Variants in MAST2 observed in about 807,000 individuals in gnomAD.
MAST2 encodes the protein microtubule-associated serine/threonine-protein kinase 2.
Under a neutral mutation model 147.4 loss-of-function variants are expected in MAST2, and 70 were observed. The ratio of observed to expected loss-of-function variants is 0.47; its 90% CI spans 0.39 to 0.58. The LOEUF is 0.58. Ranked by LOEUF, MAST2 falls within the 20% of genes least tolerant of loss-of-function variation. The pLI, the probability that MAST2 is intolerant of heterozygous loss-of-function variation, is 0.00. For synonymous variants in MAST2, 869 were observed against 896.8 expected (o/e 0.97, Z 0.55); for missense variants, 2,080 against 2,302.3 (o/e 0.90, Z 1.98).
chr1:45,989,410 C>T (rs1009203149), intron 5 of MAST2, among the ~76,000 whole-genome samples: 1 of 152,198 alleles, frequency 6.6e-6, no homozygotes, highest in Non-Finnish European at 1.5e-5. Flanking sequence ...TTTAGTCTAA[C>T]TGATTTCATT....
chr1:45,935,999 A>G (rs890611795), intron 4 of MAST2, among the ~76,000 whole-genome samples: 1 of 152,206 alleles, frequency 6.6e-6, no homozygotes, highest in Non-Finnish European at 1.5e-5. Flanking sequence ...TGGCCATTTT[A>G]ACAATATTAA....
chr1:45,998,097 C>T (rs896813909), intron 6 of MAST2, among the ~76,000 whole-genome samples: 4 of 152,080 alleles, frequency 2.6e-5, no homozygotes, highest in Admixed American at 6.6e-5. Flanking sequence ...TGATGTCCTA[C>T]GGGTATGTTC....
intron 4 of MAST2, chr1:45,917,454 TCTC>T (rs1652734756): frequency 1.5e-6 from 2 of 1,366,578 alleles, no homozygotes; most frequent in Non-Finnish European, 2.0e-6. Context: ...TTTGGCTACT[TCTC>T]CTCTTGCCAT....
rs1218606138 is a variant in MAST2 at position 46,022,959 on chromosome 1, T to G, written c.1473T>G (p.Asp491Glu). Reference sequence around the variant, plus strand: ...ACAGTCCTGACACTCCAGAGACAGATGATTCTATTGAGGTAAAAACCCTGA... The same window carrying G: ...ACAGTCCTGACACTCCAGAGACAGAGGATTCTATTGAGGTAAAAACCCTGA... Reference protein sequence around the residue: ...SCDSPDTPETDDSIEGHGASL... With the variant: ...SCDSPDTPETEDSIEGHGASL... The change falls in exon 13 of 29, where the codon GAT becomes GAG. Residue 491 changes from aspartate (D) to glutamate (E), a missense_variant. Asp to Glu is a conservative substitution (Grantham distance 45, BLOSUM62 2). This residue lies in a region of MAST2 where 569 missense variants were observed against 642.5 expected (regional missense o/e 0.89). Transcript: ENST00000361297. 3 of 1,614,098 alleles carry G rather than the reference T, an allele frequency of 1.9e-6. No individual in the cohort carries two copies. In the East Asian group the frequency reaches 6.7e-5, roughly 36 times the overall value.
intron 4 of MAST2, among the ~76,000 whole-genome samples, chr1:45,923,976 A>T (rs1570737644): frequency 6.6e-6 from 1 of 152,032 alleles, no homozygotes; most frequent in African/African-American, 2.4e-5. Flanking sequence ...GTTTCAAGCA[A>T]TTCTCCTGCC....
In MAST2 at chr1:46,029,890, C is replaced by G. The variant is rs778825675; in HGVS notation, c.2380C>G (p.Leu794Val). The change falls in exon 20 of 29, where the codon CTC becomes GTC. Residue 794 changes from leucine to valine, a missense_variant. Around this residue, in one of 4 missense-constraint regions of MAST2, gnomAD observed 1,278 missense variants for 1,304.2 expected, o/e 0.98. Transcript: ENST00000361297. ...FFTGLDWTGL[L>V]RQKAEFIPQL... ...TACTGGTCTGGACTGGACAGGACTT[C>G]TCCGCCAGAAGGCTGAATTTATTCC... 4.3e-6 allele frequency: 7 copies of G among 1,614,204 alleles called. No homozygotes were observed. The Admixed American group carries it at 1.0e-4, about 23-fold the overall frequency.
chr1:45,954,492 A>G (rs1450523524), intron 4 of MAST2, among the ~76,000 whole-genome samples: 10 of 152,210 alleles, frequency 6.6e-5, no homozygotes, highest in Admixed American at 5.9e-4. Context: ...AGTGACTGGG[A>G]TGATTTAACA....
chr1:45,960,535 G>A (rs140083247), intron 5 of MAST2, among the ~76,000 whole-genome samples: 1 of 152,192 alleles, frequency 6.6e-6, no homozygotes, highest in Admixed American at 6.5e-5. Flanking sequence ...AAAGAAATAC[G>A]AGGCTTCCAT....
intron 3 of MAST2, among the ~76,000 whole-genome samples, chr1:45,845,189 G>GAATACCAAA (rs1372491960): frequency 1.3e-5 from 2 of 152,158 alleles, no homozygotes; most frequent in Non-Finnish European, 2.9e-5. Context: ...ATACATGGGA[G>GAATACCAAA]AACGTTTATG....
At chr1:45,836,466 T>G (rs1645103860) in intron 3 of MAST2, among the ~76,000 whole-genome samples, 1 of 152,164 alleles carries the variant, frequency 6.6e-6, no homozygotes, top group South Asian at 2.1e-4. Context: ...TTAATTTATA[T>G]TATTTTAGTT....
At chr1:45,826,999 T>G (rs538957300) in intron 2 of MAST2, among the ~76,000 whole-genome samples, 1 of 152,086 alleles carries the variant, frequency 6.6e-6, no homozygotes, top group East Asian at 1.9e-4. Flanking sequence ...CCAGCTAATT[T>G]TTGTATTTTT....
At chr1:45,828,176 T>C (rs1478926188) in intron 2 of MAST2, among the ~76,000 whole-genome samples, 1 of 152,216 alleles carries the variant, frequency 6.6e-6, no homozygotes, top group Admixed American at 6.5e-5. Flanking sequence ...TTAATTTTCT[T>C]CTGTGGTTAG....
At position 46,034,996 on chromosome 1, in the gene MAST2, C is replaced by T; in HGVS notation, c.4327C>T (p.Pro1443Ser). The change falls in exon 29 of 29, where the codon CCC (proline) becomes TCC (serine). Residue 1443 changes from proline to serine, a missense_variant. Coordinates refer to ENST00000361297, the MANE Select transcript of MAST2 (RefSeq NM_015112.3). ...PHSELKKELP[P>S]REVSPLEVVG... ...CTCTGAACTAAAGAAGGAACTGCCGCCCAGGGAAGTGAGCCCTCTGGAGGT... is the reference window on the plus strand; with the variant it reads ...CTCTGAACTAAAGAAGGAACTGCCGTCCAGGGAAGTGAGCCCTCTGGAGGT... 1 of 1,614,076 alleles carries T rather than the reference C, an allele frequency of 6.2e-7. No homozygotes were observed. The highest frequency in any genetic ancestry group is 1.1e-5 in the South Asian group (1 of 91,084).
In MAST2 at chr1:45,882,345, C is replaced by G. The variant is rs142240527; in HGVS notation, c.469-19C>G. 6.2e-7 allele frequency: 1 copy of G among 1,603,716 alleles called. No homozygotes were observed. Among genetic ancestry groups the G allele is most frequent in the Non-Finnish European group, 8.5e-7 (1 of 1,171,000 alleles). On this transcript the variant is annotated intron_variant, in intron 3 of 28. Transcript: ENST00000361297. Reference sequence around the variant, plus strand: ...CAGATGGGTTCTTATTTCTAACTTGCATATGTTTTGTTTTTCAGAAGGAGT... The same window carrying G: ...CAGATGGGTTCTTATTTCTAACTTGGATATGTTTTGTTTTTCAGAAGGAGT...
chr1:45,822,975 T>C (rs1644682920), intron 1 of MAST2, among the ~76,000 whole-genome samples: 1 of 152,218 alleles, frequency 6.6e-6, no homozygotes. Flanking sequence ...ACATCAATTG[T>C]TTGATTCAGT....
chr1:45,864,457 A>G (rs909055750), intron 3 of MAST2, among the ~76,000 whole-genome samples: 1 of 152,216 alleles, frequency 6.6e-6, no homozygotes, highest in Admixed American at 6.5e-5. Flanking sequence ...TAAAGAAACA[A>G]AAGAGCCCCT....
intron 16 of MAST2, 88 bp downstream of exon 16, chr1:46,025,903 T>C: frequency 6.6e-7 from 1 of 1,524,244 alleles, no homozygotes; most frequent in Non-Finnish European, 9.0e-7. Context: ...TCTAAATCTA[T>C]CCAGATGGCT....
Position 46,032,783 on chromosome 1 carries a change from A to C in MAST2, c.3537+65A>C. The C allele has an allele frequency of 1.9e-6, 3 of 1,571,540 alleles. No individual in the cohort carries two copies. The South Asian group carries it at 3.6e-5, about 19-fold the overall frequency. On this transcript the variant is annotated intron_variant, in intron 26 of 28. Transcript: ENST00000361297. ...CCTCAGCCTGTGAGTCTGTGATGGC[A>C]GTTAGGGGAGTGGGTGAGTTGGGTG...
chr1:45,966,374 TAAG>T (rs1461783503), intron 5 of MAST2, among the ~76,000 whole-genome samples: 1 of 150,136 alleles, frequency 6.7e-6, no homozygotes, highest in Non-Finnish European at 1.5e-5. Context: ...TTTGGGTAAA[TAAG>T]GAGCACAATT....
Sources: allele counts gnomAD v4.1 joint callset (sites outside exome capture counted in the v4.1 genomes callset), GRCh38; gene constraint gnomAD v4.1.1; regional missense constraint gnomAD v4.1.1; transcripts MANE v1.5; gene names NCBI Gene and HGNC (gene_info 2026-07-23, HGNC 2026-07-21).